The following MYO18B variants were observed in gnomAD, a reference collection of about 807,000 sequenced individuals.
MYO18B encodes the protein myosin XVIIIB.
In MYO18B, 204 loss-of-function variants were observed where a neutral mutation model predicts 273.0. That is an observed-to-expected ratio of 0.75 (90% CI 0.67 to 0.84). The LOEUF is 0.84. Ranked by LOEUF, MYO18B falls within the 40% of genes least tolerant of loss-of-function variation. The pLI, the probability that MYO18B is intolerant of heterozygous loss-of-function variation, is 0.00. For missense variants in MYO18B, 3,212 were observed against 3,287.6 expected, an observed-to-expected ratio of 0.98 and a Z score of 0.56; for synonymous variants, 1,330 against 1,305.7, an observed-to-expected ratio of 1.02 and a Z score of -0.40.
chr22:25,970,833 G>A (rs900521790), intron 39 of MYO18B, among the ~76,000 whole-genome samples: 1 of 151,676 alleles, frequency 6.6e-6, no homozygotes, highest in African/African-American at 2.4e-5. Context: ...ACACTCAGGG[G>A]GAATCCTTCA....
intron 39 of MYO18B, among the ~76,000 whole-genome samples, chr22:25,963,156 T>A: frequency 1.2e-5 from 1 of 85,076 alleles, no homozygotes; most frequent in Non-Finnish European, 2.4e-5. Flanking sequence ...TCTCTCCTCT[T>A]TCTCCTCTCT....
intron 1 of MYO18B, among the ~76,000 whole-genome samples, chr22:25,747,235 ATGG>A (rs1383390967): frequency 6.6e-6 from 1 of 152,266 alleles, no homozygotes; most frequent in Non-Finnish European, 1.5e-5. Flanking sequence ...TTCTTGCTTC[ATGG>A]TGGCCGGGAA....
intron 1 of MYO18B, among the ~76,000 whole-genome samples, chr22:25,744,470 G>A (rs1242968741): frequency 2.0e-5 from 3 of 152,182 alleles, no homozygotes; most frequent in African/African-American, 4.8e-5. Context: ...GGGGGCTCAC[G>A]CCTTTAATCC....
chr22:25,800,372 C>T (rs564044782), intron 12 of MYO18B, among the ~76,000 whole-genome samples: 1 of 152,330 alleles, frequency 6.6e-6, no homozygotes, highest in South Asian at 2.1e-4. Context: ...GCTGTTTGGG[C>T]ATCACCACTA....
At chr22:25,812,274 C>T (rs753116568) in intron 12 of MYO18B, among the ~76,000 whole-genome samples, 11 of 152,176 alleles carry the variant, frequency 7.2e-5, no homozygotes, top group Non-Finnish European at 1.0e-4. Context: ...CAGAAGAGCC[C>T]GACCAGGTGC....
intron 38 of MYO18B, among the ~76,000 whole-genome samples, 158 bp from the exon 39 acceptor site, chr22:25,955,021 A>T (rs1375139243): frequency 6.6e-6 from 1 of 152,040 alleles, no homozygotes; most frequent in African/African-American, 2.4e-5. Context: ...CATTTTTTGC[A>T]TGTTGTTAAT....
At chr22:25,823,293 C>T (rs116315119) in intron 12 of MYO18B, among the ~76,000 whole-genome samples, 1 of 152,172 alleles carries the variant, frequency 6.6e-6, no homozygotes, top group Non-Finnish European at 1.5e-5. Flanking sequence ...ATGCAAATGG[C>T]GAGGAAGTCG....
chr22:25,840,402 T>C (rs184605033), intron 17 of MYO18B, among the ~76,000 whole-genome samples: 41 of 152,370 alleles, frequency 2.7e-4, no homozygotes, highest in Admixed American at 1.1e-3. Context: ...GACCTCTTTG[T>C]AAAAAGCGGT....
intron 42 of MYO18B, among the ~76,000 whole-genome samples, chr22:26,010,969 T>C (rs1183841766): frequency 6.6e-6 from 1 of 151,824 alleles, no homozygotes; most frequent in Admixed American, 6.6e-5. Flanking sequence ...AAGAAACCTC[T>C]GCGTAATGTT....
intron 28 of MYO18B, chr22:25,897,425 G>A: frequency 6.6e-6 from 1 of 152,182 alleles, no homozygotes; most frequent in Non-Finnish European, 1.5e-5. Context: ...TTGCATCGTG[G>A]TCCTCAAGAG....
At position 25,947,840 on chromosome 22, in the gene MYO18B, G is replaced by C; in HGVS notation, c.5748+12G>C. ...ACCTCATTGCTCAGGTAGTGAATGAGACCTTGGTGGAAGAAGCTCAGGGAC... is the reference window on the plus strand; with the variant it reads ...ACCTCATTGCTCAGGTAGTGAATGACACCTTGGTGGAAGAAGCTCAGGGAC... On this transcript the variant is annotated intron_variant, in intron 36 of 43. Coordinates refer to ENST00000335473, the MANE Select transcript of MYO18B (RefSeq NM_032608.7). 2.5e-6 allele frequency: 4 copies of C among 1,599,256 alleles called. No homozygotes were observed. Among genetic ancestry groups the C allele is most frequent in the Non-Finnish European group, 3.4e-6 (4 of 1,166,984 alleles).
Position 25,838,160 on chromosome 22 carries a change from A to AAT in MYO18B, c.3208+2727_3208+2728dup, listed in dbSNP as rs199921913. ...ATATATTAAATTATACACACACACAAATATATATATAAATATATGTAAATA... is the reference window on the plus strand; with the variant it reads ...ATATATTAAATTATACACACACACAAATATATATATATAAATATATGTAAATA... On this transcript the variant is annotated intron_variant, in intron 17 of 43. Transcript: ENST00000335473. Among the ~76,000 whole-genome samples the AAT allele has an allele frequency of 6.7e-3, 1,001 of 149,922 alleles. 14 individuals carry two copies. Among genetic ancestry groups the AAT allele is most frequent in the African/African-American group, 0.023 (954 of 41,048 alleles).
chr22:25,754,737 C>T (rs1031243751), intron 1 of MYO18B, among the ~76,000 whole-genome samples: 6 of 152,230 alleles, frequency 3.9e-5, no homozygotes, highest in African/African-American at 9.6e-5. Context: ...AAAACCTCCC[C>T]GGCGGGATTG....
At chr22:25,806,672 G>A (rs769564071) in intron 12 of MYO18B, among the ~76,000 whole-genome samples, 22 of 152,334 alleles carry the variant, frequency 1.4e-4, no homozygotes, top group Admixed American at 2.6e-4. Flanking sequence ...ATTCATCCAA[G>A]CTCATGCTTC....
intron 10 of MYO18B, among the ~76,000 whole-genome samples, chr22:25,783,487 C>T (rs1297784416): frequency 2.9e-5 from 4 of 137,872 alleles, no homozygotes; most frequent in African/African-American, 1.1e-4. Flanking sequence ...TCTCACCTCT[C>T]AGAACATCTC....
chr22:26,056,326 CAT>C, the MYO18B span, among the ~76,000 whole-genome samples: 951 of 152,236 alleles, frequency 6.2e-3, 7 homozygotes, highest in African/African-American at 0.021. Context: ...TGGATGGAAA[CAT>C]AATGAAAATC....
chr22:25,814,460 A>G (rs181423931), intron 12 of MYO18B, among the ~76,000 whole-genome samples: 1 of 151,798 alleles, frequency 6.6e-6, no homozygotes, highest in East Asian at 1.9e-4. Context: ...GCTTGGATCC[A>G]GACACTATTC....
chr22:25,751,825 A>C (rs986048200), intron 1 of MYO18B, among the ~76,000 whole-genome samples: 1 of 152,138 alleles, frequency 6.6e-6, no homozygotes, highest in South Asian at 2.1e-4. Flanking sequence ...TGTTCTGTGA[A>C]TTGTCTTGTG....
intron 22 of MYO18B, among the ~76,000 whole-genome samples, chr22:25,870,977 GATA>G (rs1476805153): frequency 6.6e-6 from 1 of 152,190 alleles, no homozygotes; most frequent in Non-Finnish European, 1.5e-5. Context: ...TAAACATTCA[GATA>G]ATAAAATATG....
Sources: allele counts gnomAD v4.1 joint callset (sites outside exome capture counted in the v4.1 genomes callset), GRCh38; gene constraint gnomAD v4.1.1; transcripts MANE v1.5; gene names NCBI Gene and HGNC (gene_info 2026-07-23, HGNC 2026-07-21).